FOXJ3: variants seen among roughly 807,000 people sequenced by gnomAD.
FOXJ3 encodes forkhead box protein J3.
A neutral mutation model predicts 76.1 loss-of-function variants in FOXJ3; 22 were observed. The ratio of observed to expected loss-of-function variants is 0.29; its 90% CI spans 0.21 to 0.41. The LOEUF is 0.41. Ranked by LOEUF, FOXJ3 falls within the 10% of genes least tolerant of loss-of-function variation. FOXJ3 has a pLI of 1.00. For missense variants in FOXJ3, 613 were observed against 762.1 expected, an observed-to-expected ratio of 0.80 and a Z score of 2.30; for synonymous variants, 269 against 261.2, an observed-to-expected ratio of 1.03 and a Z score of -0.29.
chr1:42,179,985 G>T (rs960395911), intron 12 of FOXJ3, among the ~76,000 whole-genome samples, 160 bp from the exon 13 acceptor site: 1 of 152,090 alleles, frequency 6.6e-6, no homozygotes, highest in African/African-American at 2.4e-5. Context: ...TATTTTATAG[G>T]TAAGGGGATA....
chr1:42,334,421 G>C (rs1038559435), intron 1 of FOXJ3, among the ~76,000 whole-genome samples: 8 of 152,166 alleles, frequency 5.3e-5, no homozygotes, highest in African/African-American at 1.2e-4. Context: ...GAGCTGGGAG[G>C]GGGGGCGGGA....
intron 4 of FOXJ3, among the ~76,000 whole-genome samples, chr1:42,229,453 C>A (rs1247828352): frequency 6.6e-6 from 1 of 152,206 alleles, no homozygotes; most frequent in Non-Finnish European, 1.5e-5. Flanking sequence ...CCAAGAATAT[C>A]AGTGTACAGG....
intron 1 of FOXJ3, among the ~76,000 whole-genome samples, chr1:42,324,128 G>GTATATATAGTGTA (rs201669955): frequency 0.057 from 324 of 5,700 alleles, 23 homozygotes; most frequent in African/African-American, 0.12. Context: ...TATACACAGT[G>GTATATATAGTGTA]TATATACAGT....
intron 5 of FOXJ3, among the ~76,000 whole-genome samples, chr1:42,221,615 C>T (rs1199645524): frequency 6.6e-6 from 1 of 151,904 alleles, no homozygotes; most frequent in African/African-American, 2.4e-5. Flanking sequence ...GCCACCACAC[C>T]CACTATTTTT....
chr1:42,253,974 A>C (rs1650345700), intron 4 of FOXJ3, among the ~76,000 whole-genome samples: 1 of 150,952 alleles, frequency 6.6e-6, no homozygotes, highest in South Asian at 2.1e-4. Flanking sequence ...GGATCTAATT[A>C]AACTAAAGAG....
At chr1:42,277,068 G>C (rs1475463060) in intron 3 of FOXJ3, among the ~76,000 whole-genome samples, 1 of 152,208 alleles carries the variant, frequency 6.6e-6, no homozygotes, top group Non-Finnish European at 1.5e-5. Flanking sequence ...ATTAGAAGAA[G>C]CTGATGAAAT....
intron 4 of FOXJ3, among the ~76,000 whole-genome samples, chr1:42,263,534 A>G (rs1206837754): frequency 6.6e-6 from 1 of 152,184 alleles, no homozygotes; most frequent in Non-Finnish European, 1.5e-5. Context: ...AAGGTGCACC[A>G]ATTCCTATTC....
At chr1:42,223,052 TGTCTTAC>T (rs1237397019) in intron 5 of FOXJ3, among the ~76,000 whole-genome samples, 3 of 152,226 alleles carry the variant, frequency 2.0e-5, no homozygotes, top group Non-Finnish European at 4.4e-5. Context: ...TAAAATTATG[TGTCTTAC>T]GTCTTATTCT....
At chr1:42,220,981 T>C (rs1300461097) in intron 5 of FOXJ3, among the ~76,000 whole-genome samples, 1 of 152,190 alleles carries the variant, frequency 6.6e-6, no homozygotes, top group Admixed American at 6.5e-5. Flanking sequence ...ATTAATTCAT[T>C]TAAAACCAAC....
chr1:42,303,919 C>A (rs1381110329), intron 2 of FOXJ3, among the ~76,000 whole-genome samples: 2 of 152,086 alleles, frequency 1.3e-5, no homozygotes, highest in Non-Finnish European at 2.9e-5. Context: ...GAAGTCCTAG[C>A]TCAAGTAATC....
chr1:42,248,730 C>CTTT (rs4019587), intron 4 of FOXJ3, among the ~76,000 whole-genome samples: 1,011 of 92,216 alleles, frequency 0.011, 32 homozygotes, highest in African/African-American at 0.039. Flanking sequence ...CCTGTTTTTT[C>CTTT]TTTTTTTTTT....
intron 2 of FOXJ3, among the ~76,000 whole-genome samples, chr1:42,291,075 T>C (rs61775125): frequency 0.29 from 33,470 of 116,812 alleles, 4,203 homozygotes; most frequent in African/African-American, 0.34. Flanking sequence ...GATAGATAGA[T>C]AGATAGATAG....
intron 2 of FOXJ3, 42 bp from the exon 3 acceptor site, chr1:42,278,714 C>T: frequency 2.9e-6 from 4 of 1,368,958 alleles, no homozygotes; most frequent in Non-Finnish European, 4.1e-6. Flanking sequence ...AAGGAAAGAA[C>T]CCCTGCTTCT....
intron 5 of FOXJ3, among the ~76,000 whole-genome samples, chr1:42,220,733 G>C (rs1647166239): frequency 6.6e-6 from 1 of 152,248 alleles, no homozygotes; most frequent in Admixed American, 6.5e-5. Context: ...GGTGCTAACA[G>C]TTTTAACTGA....
chr1:42,257,837 T>C (rs1419934393), intron 4 of FOXJ3, among the ~76,000 whole-genome samples: 1 of 152,190 alleles, frequency 6.6e-6, no homozygotes, highest in African/African-American at 2.4e-5. Context: ...TTAAAAAGTA[T>C]TTATTACTTC....
intron 5 of FOXJ3, among the ~76,000 whole-genome samples, chr1:42,225,993 G>GAAGAA (rs1557653039): frequency 6.6e-6 from 1 of 152,138 alleles, no homozygotes; most frequent in East Asian, 1.9e-4. Flanking sequence ...GAAATTCCAG[G>GAAGAA]AACTTCAGAA....
chr1:42,232,774 G>A (rs890364365), intron 4 of FOXJ3, among the ~76,000 whole-genome samples: 9 of 152,072 alleles, frequency 5.9e-5, no homozygotes, highest in African/African-American at 2.2e-4. Context: ...AGTTTCTTTG[G>A]CTGTGTGGAA....
intron 8 of FOXJ3, among the ~76,000 whole-genome samples, chr1:42,193,893 G>GGTT (rs1179603720): frequency 6.6e-6 from 1 of 152,120 alleles, no homozygotes; most frequent in Admixed American, 6.5e-5. Context: ...TTGCAAAAGG[G>GGTT]GTTGAGAGAA....
intron 7 of FOXJ3, among the ~76,000 whole-genome samples, chr1:42,196,464 G>A (rs554949832): frequency 3.4e-4 from 51 of 152,228 alleles, no homozygotes; most frequent in Middle Eastern, 3.4e-3. Context: ...AGGCCGAGGC[G>A]GGCGGATCAC....
Sources: allele counts gnomAD v4.1 joint callset (sites outside exome capture counted in the v4.1 genomes callset), GRCh38; gene constraint gnomAD v4.1.1; transcripts MANE v1.5; gene names NCBI Gene and HGNC (gene_info 2026-07-23, HGNC 2026-07-21).